Variants in STK32B observed in about 807,000 individuals in gnomAD.
STK32B encodes serine/threonine kinase 32B.
A neutral mutation model predicts 52.6 loss-of-function variants in STK32B; 43 were observed. The ratio of observed to expected loss-of-function variants is 0.82; its 90% CI spans 0.64 to 1.05. STK32B has a LOEUF of 1.05. Ranked by LOEUF, STK32B falls within the 50% of genes least tolerant of loss-of-function variation. The pLI, the probability that STK32B is intolerant of heterozygous loss-of-function variation, is 0.00. For synonymous variants in STK32B, 238 were observed against 204.3 expected, an observed-to-expected ratio of 1.17 and a Z score of -1.41; for missense variants, 621 against 534.6, an observed-to-expected ratio of 1.16 and a Z score of -1.59.
intron 5 of STK32B, among the ~76,000 whole-genome samples, chr4:5,416,385 A>G (rs1712160944): frequency 6.6e-6 from 1 of 152,002 alleles, no homozygotes; most frequent in African/African-American, 2.4e-5. Flanking sequence ...CCTTCTCCCT[A>G]CTAAATTCCT....
intron 3 of STK32B, among the ~76,000 whole-genome samples, chr4:5,184,605 T>C (rs866172664): frequency 2.3e-4 from 34 of 149,662 alleles, no homozygotes; most frequent in African/African-American, 7.9e-4. Context: ...GGAGAATTGC[T>C]TGAACCCGGG....
At chr4:5,120,545 T>A (rs1397902671) in intron 1 of STK32B, among the ~76,000 whole-genome samples, 1 of 152,158 alleles carries the variant, frequency 6.6e-6, no homozygotes. Context: ...AAAAAAACAG[T>A]ATATATAGGA....
intron 3 of STK32B, among the ~76,000 whole-genome samples, chr4:5,315,696 T>G (rs1730628674): frequency 6.6e-6 from 1 of 151,062 alleles, no homozygotes; most frequent in Non-Finnish European, 1.5e-5. Flanking sequence ...TTTTTTTTTT[T>G]TGAGACGGAG....
chr4:5,139,013 G>A (rs375078566), intron 1 of STK32B, among the ~76,000 whole-genome samples: 15 of 152,210 alleles, frequency 9.9e-5, no homozygotes, highest in South Asian at 4.2e-4. Context: ...AAGATCACTC[G>A]GCTCCTCACA....
In STK32B at chr4:5,214,984, G is replaced by A. The variant is rs1309541979; in HGVS notation, c.260+46534G>A. Among the ~76,000 whole-genome samples, 3 of 152,152 alleles carry A rather than the reference G, an allele frequency of 2.0e-5. No homozygotes were observed. In the East Asian group the frequency reaches 5.8e-4, roughly 29 times the overall value. On this transcript the variant is annotated intron_variant, in intron 3 of 11. Coordinates refer to ENST00000282908, the MANE Select transcript of STK32B (RefSeq NM_018401.3). ...TGATAAATGAGCTGTGACAATACAT[G>A]AAAAGAGATGGATCATTGCTTTTAA...
chr4:5,112,328 A>G (rs569769350), intron 1 of STK32B, among the ~76,000 whole-genome samples: 2 of 152,336 alleles, frequency 1.3e-5, no homozygotes, highest in South Asian at 2.1e-4. Context: ...TGATTCATGT[A>G]TTCAGGAGAC....
chr4:5,093,478 C>T lies in STK32B; in HGVS notation c.52+41563C>T, dbSNP rs534955915. ...ATCGCAAGGACAAAAAACCAAACAC[C>T]GCATGTTCTCACTCATAGGTGGGAA... On this transcript the variant is annotated intron_variant, in intron 1 of 11. Transcript: ENST00000282908. Among the ~76,000 whole-genome samples the T allele has an allele frequency of 1.7e-3, 251 of 152,068 alleles. 3 individuals carry two copies. The highest frequency in any genetic ancestry group is 0.014 in the South Asian group (65 of 4,792).
rs149894046 is a variant in STK32B, at chr4:5,053,302, G to T, written c.52+1387G>T. Among the ~76,000 whole-genome samples the T allele has an allele frequency of 6.7e-3, 1,026 of 152,280 alleles. 27 individuals are homozygous for T. In the South Asian group the frequency reaches 0.084, roughly 12 times the overall value. ...AGGCCCCAGCTTTTCCTGATCTTTA[G>T]TCTGGAGCATGTGCAGGTGAGCAGG... On this transcript the variant is annotated intron_variant, in intron 1 of 11. Coordinates refer to ENST00000282908, the MANE Select transcript of STK32B (RefSeq NM_018401.3).
At chr4:5,164,554 T>G (rs148687819) in intron 2 of STK32B, among the ~76,000 whole-genome samples, 5 of 152,356 alleles carry the variant, frequency 3.3e-5, no homozygotes, top group African/African-American at 9.6e-5. Context: ...CAAAGATTTA[T>G]TTCTCCCAGT....
At chr4:5,291,212 C>T (rs1425266647) in intron 3 of STK32B, among the ~76,000 whole-genome samples, 1 of 152,044 alleles carries the variant, frequency 6.6e-6, no homozygotes, top group African/African-American at 2.4e-5. Flanking sequence ...AAACTCATAG[C>T]TGAAATTTGG....
intron 5 of STK32B, among the ~76,000 whole-genome samples, chr4:5,415,956 T>G (rs1712128328): frequency 6.6e-6 from 1 of 152,186 alleles, no homozygotes; most frequent in African/African-American, 2.4e-5. Flanking sequence ...ATCTATGCAT[T>G]TAAGTCCCAC....
the STK32B span, among the ~76,000 whole-genome samples, chr4:5,031,889 A>C: frequency 6.6e-6 from 1 of 152,174 alleles, no homozygotes; most frequent in African/African-American, 2.4e-5. Flanking sequence ...CTGCTCACTC[A>C]AGGCTGGTCG....
chr4:5,140,119 T>C, intron 2 of STK32B, 159 bp downstream of exon 2: 12 of 1,397,804 alleles, frequency 8.6e-6, no homozygotes, highest in Non-Finnish European at 1.2e-5. Flanking sequence ...TTCCTTGCGA[T>C]CTGGTGTAAT....
chr4:5,194,464 A>T (rs1423283694), intron 3 of STK32B, among the ~76,000 whole-genome samples: 1 of 152,164 alleles, frequency 6.6e-6, no homozygotes, highest in East Asian at 1.9e-4. Flanking sequence ...AGATCCCAAC[A>T]CAAGACAGTG....
At chr4:5,138,719 A>G (rs916591201) in intron 1 of STK32B, among the ~76,000 whole-genome samples, 8 of 152,224 alleles carry the variant, frequency 5.3e-5, no homozygotes, top group African/African-American at 1.9e-4. Context: ...ATTTTGGGGA[A>G]AGTTCCACAG....
At position 5,416,943 on chromosome 4, in the gene STK32B, T is replaced by C; in HGVS notation, c.562+9T>C. ...CACCAAGCCCTACATGGGTGAGTGTTCCAGGCCCCTTCTTTTCATGTGATC... is the reference window on the plus strand; with the variant it reads ...CACCAAGCCCTACATGGGTGAGTGTCCCAGGCCCCTTCTTTTCATGTGATC... On this transcript the variant is annotated intron_variant, in intron 6 of 11. Coordinates refer to ENST00000282908, the MANE Select transcript of STK32B (RefSeq NM_018401.3). The C allele has an allele frequency of 6.2e-7, 1 of 1,608,372 alleles. No homozygotes were observed. The highest frequency in any genetic ancestry group is 8.5e-7 in the Non-Finnish European group (1 of 1,177,326).
chr4:5,456,248 C>T (rs1716510382), intron 7 of STK32B, among the ~76,000 whole-genome samples: 1 of 152,254 alleles, frequency 6.6e-6, no homozygotes, highest in African/African-American at 2.4e-5. Context: ...GAGAGCAGAG[C>T]TTACACATCC....
intron 4 of STK32B, among the ~76,000 whole-genome samples, chr4:5,341,429 C>A (rs1733067259): frequency 6.6e-6 from 1 of 152,244 alleles, no homozygotes; most frequent in Admixed American, 6.5e-5. Context: ...CAGATGCTCA[C>A]TTCTTCACCG....
intron 6 of STK32B, among the ~76,000 whole-genome samples, chr4:5,443,744 G>T (rs984459299): frequency 3.3e-5 from 5 of 151,956 alleles, no homozygotes; most frequent in African/African-American, 7.3e-5. Flanking sequence ...ATCTACTTTT[G>T]GTCTTTGATG....
Sources: gnomAD v4.1 joint callset for allele counts (sites outside exome capture counted in the v4.1 genomes callset) on GRCh38, gnomAD v4.1.1 for gene constraint, MANE v1.5 for transcripts, NCBI Gene and HGNC (gene_info 2026-07-23, HGNC 2026-07-21) for gene names.